The following TFDP2 variants were observed in gnomAD, a reference collection of about 807,000 sequenced individuals.
TFDP2 encodes transcription factor Dp-2.
A neutral mutation model predicts 59.3 loss-of-function variants in TFDP2; 17 were observed. The ratio of observed to expected loss-of-function variants is 0.29; its 90% confidence interval spans 0.20 to 0.43. The LOEUF (loss-of-function observed/expected upper bound fraction) is 0.43, where lower values mean the gene tolerates loss of function less well. Among genes scored for constraint, TFDP2 ranks in the 20% least tolerant of loss-of-function variants. TFDP2 has a pLI of 1.00. For synonymous variants in TFDP2, 180 were observed against 194.7 expected (o/e 0.92, Z 0.63); for missense variants, 391 against 528.8 (o/e 0.74, Z 2.56).
intron 6 of TFDP2, among the ~76,000 whole-genome samples, chr3:141,985,076 C>G (rs1295966710): frequency 2.6e-5 from 4 of 151,638 alleles, no homozygotes; most frequent in Non-Finnish European, 5.9e-5. Flanking sequence ...TATGCCTTTT[C>G]TTGAAAAAAA....
rs577610816 is a variant in TFDP2, at chr3:142,035,025, G to A, written c.83-29481C>T. Reference sequence around the variant, plus strand: ...CCAGCCTTCTCTTGGCTTTTATAAAGACTATTCCTTCTCTGTTTCCACCCC... The same window carrying A: ...CCAGCCTTCTCTTGGCTTTTATAAAAACTATTCCTTCTCTGTTTCCACCCC... On this transcript the variant is annotated intron_variant, in intron 3 of 12. Transcript: ENST00000489671. Among the ~76,000 whole-genome samples the A allele has an allele frequency of 1.7e-4, 26 of 152,258 alleles. No individual in the cohort carries two copies. The South Asian group carries it at 5.0e-3, about 29-fold the overall frequency.
At chr3:142,020,536 G>C (rs1032335389) in intron 3 of TFDP2, among the ~76,000 whole-genome samples, 1 of 151,246 alleles carries the variant, frequency 6.6e-6, no homozygotes, top group Admixed American at 6.6e-5. Context: ...CTCCGTCTCG[G>C]GGGGGAAAAG....
chr3:142,071,043 G>C (rs2060229406), intron 3 of TFDP2, among the ~76,000 whole-genome samples: 1 of 152,132 alleles, frequency 6.6e-6, no homozygotes, highest in African/African-American at 2.4e-5. Flanking sequence ...GGAGCATATA[G>C]AAAGGCTAAA....
intron 4 of TFDP2, among the ~76,000 whole-genome samples, chr3:141,996,234 C>T (rs1334041760): frequency 6.6e-6 from 1 of 152,060 alleles, no homozygotes; most frequent in Admixed American, 6.6e-5. Flanking sequence ...TACAAAAAAA[C>T]TAGCAGCCTA....
chr3:142,024,313 C>G (rs1945894863), intron 3 of TFDP2, among the ~76,000 whole-genome samples: 1 of 152,190 alleles, frequency 6.6e-6, no homozygotes, highest in Admixed American at 6.5e-5. Context: ...AAATTGGTTT[C>G]TTGAAACTTG....
At chr3:142,033,382 C>A (rs1946528613) in intron 3 of TFDP2, among the ~76,000 whole-genome samples, 1 of 152,102 alleles carries the variant, frequency 6.6e-6, no homozygotes, top group South Asian at 2.1e-4. Flanking sequence ...CAATGGCAAA[C>A]CACTTAAATT....
In TFDP2 at chr3:141,968,836, TC is replaced by T. The variant is rs543829690; in HGVS notation, c.732+1236del. 6.5e-3 allele frequency among the ~76,000 whole-genome samples: 526 copies of T among 81,184 alleles called. 42 individuals carry two copies. In the Admixed American group the frequency reaches 0.069, roughly 11 times the overall value. 53.3% of individuals were successfully genotyped at this position (81,184 alleles called of 152,430 possible). A position where few individuals can be genotyped will look rare whatever the true frequency, so the allele number is the denominator to read the frequency against. On this transcript the variant is annotated intron_variant, in intron 9 of 12. Transcript: ENST00000489671. ...TAGATATATATAACACATATATATC[TC>T]ATATATATAGATATATATAACATAT...
At chr3:141,984,021 G>A (rs1286167431) in intron 6 of TFDP2, among the ~76,000 whole-genome samples, 1 of 152,170 alleles carries the variant, frequency 6.6e-6, no homozygotes, top group Non-Finnish European at 1.5e-5. Context: ...CATGCTCATA[G>A]CACCATTATT....
intron 3 of TFDP2, among the ~76,000 whole-genome samples, chr3:142,056,012 G>T (rs893138194): frequency 7.6e-6 from 1 of 131,634 alleles, no homozygotes; most frequent in Non-Finnish European, 1.5e-5. Context: ...GGAGTGCAGT[G>T]GCATGATCTC....
At chr3:142,017,462 C>A (rs1407285576) in intron 3 of TFDP2, among the ~76,000 whole-genome samples, 2 of 152,096 alleles carry the variant, frequency 1.3e-5, no homozygotes, top group Non-Finnish European at 2.9e-5. Flanking sequence ...AAAATATTCC[C>A]TTCCTTAGTG....
chr3:142,128,218 G>A (rs1384979029), intron 1 of TFDP2, among the ~76,000 whole-genome samples: 1 of 152,078 alleles, frequency 6.6e-6, no homozygotes, highest in Non-Finnish European at 1.5e-5. Flanking sequence ...AAGAAAGACA[G>A]AAAATGCCCC....
At chr3:142,010,867 A>T (rs527575740) in intron 3 of TFDP2, among the ~76,000 whole-genome samples, 2,350 of 133,694 alleles carry the variant, frequency 0.018, 41 homozygotes, top group Non-Finnish European at 0.026. Context: ...CATCAGAGAA[A>T]TGCAAATCAA....
Position 141,968,601 on chromosome 3 carries a change from T to A in TFDP2, c.732+1472A>T, listed in dbSNP as rs867063054. Among the ~76,000 whole-genome samples the A allele has an allele frequency of 1.0e-3, 101 of 100,590 alleles. 3 individuals are homozygous for A. Among genetic ancestry groups the A allele is most frequent in the Middle Eastern group, 0.014 (1 of 72 alleles). The allele number at this position is 100,590 out of a possible 152,430, so 66.0% of individuals were successfully genotyped here. On this transcript the variant is annotated intron_variant, in intron 9 of 12. Coordinates refer to ENST00000489671, the MANE Select transcript of TFDP2 (RefSeq NM_001178139.2). ...TATATATCTCATATATAGATATATATAACATATATATCTCATATATAGATA... is the reference window on the plus strand; with the variant it reads ...TATATATCTCATATATAGATATATAAAACATATATATCTCATATATAGATA...
intron 1 of TFDP2, among the ~76,000 whole-genome samples, chr3:142,110,855 A>G (rs2061631086): frequency 1.3e-5 from 2 of 152,084 alleles, no homozygotes; most frequent in South Asian, 4.2e-4. Context: ...CTGGAGGCTG[A>G]GGCAGGAGGA....
At chr3:141,953,244 A>T (rs1250180183) in intron 11 of TFDP2, among the ~76,000 whole-genome samples, 2 of 152,086 alleles carry the variant, frequency 1.3e-5, no homozygotes, top group Admixed American at 1.3e-4. Flanking sequence ...CAGCTTACGG[A>T]GAGAAGGTAT....
intron 3 of TFDP2, chr3:142,090,704 A>T (rs1291113850): frequency 6.6e-6 from 1 of 151,700 alleles, no homozygotes; most frequent in Non-Finnish European, 1.5e-5. Context: ...GGGATTACAG[A>T]CACCTGCCAC....
At chr3:142,026,672 T>C (rs1443312373) in intron 3 of TFDP2, among the ~76,000 whole-genome samples, 1 of 152,248 alleles carries the variant, frequency 6.6e-6, no homozygotes, top group Non-Finnish European at 1.5e-5. Flanking sequence ...ACGCACATTA[T>C]ACAACAGCAT....
intron 3 of TFDP2, among the ~76,000 whole-genome samples, chr3:142,021,234 G>A (rs733996): frequency 0.046 from 7,006 of 152,212 alleles, 166 homozygotes; most frequent in South Asian, 0.07. Flanking sequence ...AAGTATAATG[G>A]TTAAAGTGAC....
At chr3:142,057,894 A>C (rs1576862300) in intron 3 of TFDP2, among the ~76,000 whole-genome samples, 1 of 152,138 alleles carries the variant, frequency 6.6e-6, no homozygotes, top group Non-Finnish European at 1.5e-5. Flanking sequence ...CTATTATGAC[A>C]TACTTTTCCC....
Sources: allele counts gnomAD v4.1 joint callset (sites outside exome capture counted in the v4.1 genomes callset), GRCh38; gene constraint gnomAD v4.1.1; transcripts MANE v1.5; gene names NCBI Gene and HGNC (gene_info 2026-07-23, HGNC 2026-07-21).